DMXL2: variants seen among roughly 807,000 people sequenced by gnomAD.
DMXL2 encodes dmX-like protein 2.
DMXL2 carries 103 observed loss-of-function variants against 331.1 expected under a neutral mutation model. The observed-to-expected ratio is 0.31, with a 90% confidence interval of 0.27 to 0.37. The LOEUF is 0.37. DMXL2 is among the 10% of genes least tolerant of loss of function. The pLI, the probability that DMXL2 is intolerant of heterozygous loss-of-function variation, is 1.00. For missense variants in DMXL2, 3,171 were observed against 3,642.9 expected, an observed-to-expected ratio of 0.87 and a Z score of 3.33; for synonymous variants, 1,281 against 1,252.1, an observed-to-expected ratio of 1.02 and a Z score of -0.49.
chr15:51,592,917 C>T (rs1030081173), intron 1 of DMXL2, among the ~76,000 whole-genome samples: 1 of 152,254 alleles, frequency 6.6e-6, no homozygotes, highest in South Asian at 2.1e-4. Flanking sequence ...GAAGGAAGCA[C>T]TAAACATGGA....
chr15:51,469,338 T>C (rs756505381), intron 29 of DMXL2, among the ~76,000 whole-genome samples: 4 of 152,298 alleles, frequency 2.6e-5, no homozygotes, highest in Non-Finnish European at 2.9e-5. Flanking sequence ...TACATGATGG[T>C]AGATAAAAGA....
chr15:51,596,649 T>C (rs1204531541), intron 1 of DMXL2, among the ~76,000 whole-genome samples: 1 of 152,158 alleles, frequency 6.6e-6, no homozygotes, highest in Admixed American at 6.5e-5. Context: ...CTGTTCACAA[T>C]AGCAAAGACT....
intron 18 of DMXL2, among the ~76,000 whole-genome samples, chr15:51,498,231 C>T (rs182534064): frequency 2.6e-5 from 4 of 152,144 alleles, no homozygotes; most frequent in Admixed American, 2.0e-4. Context: ...CAGAGCAAGA[C>T]CCTGTCTCAA....
chr15:51,462,266 ACT>A (rs540400250), intron 33 of DMXL2, among the ~76,000 whole-genome samples: 83 of 151,968 alleles, frequency 5.5e-4, no homozygotes, highest in Non-Finnish European at 1.0e-3. Flanking sequence ...AGCCGTATGG[ACT>A]CTCTCTGTTT....
In DMXL2 at chr15:51,476,786, C is replaced by T. The variant is rs1344623668; in HGVS notation, c.6834-67G>A. 13 of 1,378,350 alleles carry T rather than the reference C, an allele frequency of 9.4e-6. No individual in the cohort carries two copies. The East Asian group carries it at 3.0e-4, about 32-fold the overall frequency. The allele number at this position is 1,378,350 out of a possible 1,614,324, so 85.4% of individuals were successfully genotyped here. On this transcript the variant is annotated intron_variant, in intron 26 of 43. Transcript: ENST00000560891. ...ATAAAAAATTGCACTTTATGTATAT[C>T]ATCTATTTTAGACACCTATTTTAAG...
At position 51,464,755 on chromosome 15, in the gene DMXL2, A is replaced by G. The variant is rs766242888; in HGVS notation, c.7728T>C (p.Tyr2576=). The part of the protein sequence containing the change: ...EGPPPNYINT[Y]PTDLSVGAGP... ...CAGCTCCCACTGAAAGGTCAGTTGG[A>G]TATGTGTTGATATAGTTAGGGGGTG... Residue 2576 remains tyrosine, a synonymous_variant, in exon 32 of 44, where the codon TAT becomes TAC. Coordinates refer to ENST00000560891, the MANE Select transcript of DMXL2 (RefSeq NM_001378457.1). 3 of 1,613,988 alleles carry G rather than the reference A, an allele frequency of 1.9e-6. No individual in the cohort carries two copies. Among genetic ancestry groups the G allele is most frequent in the East Asian group, 2.2e-5 (1 of 44,872 alleles).
chr15:51,605,142 AC>A (rs1315368582), intron 1 of DMXL2, among the ~76,000 whole-genome samples: 1 of 152,330 alleles, frequency 6.6e-6, no homozygotes, highest in African/African-American at 2.4e-5. Flanking sequence ...TATACAAAAA[AC>A]ATCTTAGCAT....
chr15:51,480,199 G>A, intron 24 of DMXL2, 60 bp from the exon 25 acceptor site: 2 of 1,408,266 alleles, frequency 1.4e-6, no homozygotes, highest in South Asian at 3.1e-5. Flanking sequence ...TCAGTTCTCT[G>A]ACAGAAATAC....
At chr15:51,615,550 A>G (rs1369549201) in intron 1 of DMXL2, among the ~76,000 whole-genome samples, 1 of 152,208 alleles carries the variant, frequency 6.6e-6, no homozygotes, top group Non-Finnish European at 1.5e-5. Context: ...CTCCAGTCAC[A>G]GCAATCAAAA....
At chr15:51,459,292 G>A (rs1040335318) in intron 34 of DMXL2, 3 of 232,230 alleles carry the variant, frequency 1.3e-5, no homozygotes, top group African/African-American at 6.7e-5. Context: ...AAGATGCAAT[G>A]GCTTAGGGTT....
chr15:51,578,207 C>T (rs1378592716), intron 1 of DMXL2, among the ~76,000 whole-genome samples: 1 of 152,134 alleles, frequency 6.6e-6, no homozygotes, highest in African/African-American at 2.4e-5. Flanking sequence ...TTAATTTGCC[C>T]AAGATTACTG....
At chr15:51,527,945 T>C (rs1361510506) in intron 13 of DMXL2, among the ~76,000 whole-genome samples, 1 of 151,592 alleles carries the variant, frequency 6.6e-6, no homozygotes, top group Non-Finnish European at 1.5e-5. Context: ...AGGACAAAGT[T>C]AAGGAGTAGA....
At chr15:51,574,379 C>T (rs1335949116) in intron 2 of DMXL2, among the ~76,000 whole-genome samples, 1 of 152,162 alleles carries the variant, frequency 6.6e-6, no homozygotes, top group Admixed American at 6.5e-5. Context: ...TTTCTGACAC[C>T]TCTGCACCCT....
Position 51,486,128 on chromosome 15 carries a change from G to A in DMXL2, c.5427C>T (p.Thr1809=), listed in dbSNP as rs1218043327. The A allele has an allele frequency of 6.2e-7, 1 of 1,613,896 alleles. No individual in the cohort carries two copies. The highest frequency in any genetic ancestry group is 8.5e-7 in the Non-Finnish European group (1 of 1,179,884). Reference sequence around the variant, plus strand: ...GTTCCAGTAATGTGTCCAAGGCTCGGGTGTAATCTTTCATTACCCAATAGG... The same window carrying A: ...GTTCCAGTAATGTGTCCAAGGCTCGAGTGTAATCTTTCATTACCCAATAGG... ...SLAYWVMKDY[T]RALDTLLEQT... is the part of the protein sequence containing the mutation. Residue 1809 remains threonine (T), a synonymous_variant, in exon 23 of 44, where the codon ACC becomes ACT. Coordinates refer to ENST00000560891, the MANE Select transcript of DMXL2 (RefSeq NM_001378457.1).
At chr15:51,559,680 G>A (rs1016800043) in intron 6 of DMXL2, among the ~76,000 whole-genome samples, 5 of 152,006 alleles carry the variant, frequency 3.3e-5, no homozygotes, top group Admixed American at 2.0e-4. Context: ...ATGATCGGCC[G>A]ATGTACTCCA....
rs775361284 is a variant in DMXL2, at chr15:51,622,686, C to G, written c.-141G>C. On this transcript the variant is annotated 5_prime_UTR_variant, in exon 1 of 44. Coordinates refer to ENST00000560891, the MANE Select transcript of DMXL2 (RefSeq NM_001378457.1). The stretch of plus-strand genomic sequence containing the variant: ...GAGGCTCTGGCTTAACTCCTCGCCC[C>G]CCTTTCGCCTTCCCTCCGCCTCGTC... 5.0e-5 allele frequency: 70 copies of G among 1,410,992 alleles called. No homozygotes were observed. In the Admixed American group the frequency reaches 5.7e-4, roughly 12 times the overall value. The allele number at this position is 1,410,992 out of a possible 1,614,324, so 87.4% of individuals were successfully genotyped here.
intron 6 of DMXL2, among the ~76,000 whole-genome samples, chr15:51,552,725 G>A (rs1296907548): frequency 6.6e-6 from 1 of 152,084 alleles, no homozygotes; most frequent in East Asian, 1.9e-4. Context: ...ATTTGATCCT[G>A]AGTCCCATTC....
In DMXL2 at chr15:51,488,093, G is replaced by A. The variant is rs142240120; in HGVS notation, c.5078C>T (p.Thr1693Ile). 15 of 1,608,846 alleles carry A rather than the reference G, an allele frequency of 9.3e-6. No homozygotes were observed. The African/African-American group carries it at 1.7e-4, about 19-fold the overall frequency. The change falls in exon 22 of 44, where the codon ACA becomes ATA. Residue 1693 changes from threonine (T) to isoleucine (I), a missense_variant. By Grantham distance (89) the Thr-to-Ile change is moderately conservative. This residue lies in a region of DMXL2 where 252 missense variants were observed against 387.4 expected (regional missense o/e 0.65). Transcript: ENST00000560891. ...TTCATTAAAGTTGTGGCTGAAAAAT[G>A]TTGTCATTTTTTCATCATGCTGTGA... ...FRSQHDEKMT[T>I]FFSHNFNEDR...
intron 2 of DMXL2, among the ~76,000 whole-genome samples, chr15:51,569,008 A>G (rs549726801): frequency 6.6e-6 from 1 of 152,320 alleles, no homozygotes; most frequent in Non-Finnish European, 1.5e-5. Context: ...ACAAGGGGTC[A>G]GGGAATTTCC....
Sources: gnomAD v4.1 joint callset for allele counts (sites outside exome capture counted in the v4.1 genomes callset) on GRCh38, gnomAD v4.1.1 for gene constraint, gnomAD v4.1.1 regional missense constraint, MANE v1.5 for transcripts, NCBI Gene and HGNC (gene_info 2026-07-23, HGNC 2026-07-21) for gene names.